The following IFT43 variants were observed in gnomAD, a reference collection of about 807,000 sequenced individuals.
The protein encoded by IFT43 is intraflagellar transport 43, also known as intraflagellar transport protein 43 homolog.
IFT43 carries 33 observed loss-of-function variants against 32.3 expected under a neutral mutation model. The ratio of observed to expected loss-of-function variants is 1.02; its 90% confidence interval spans 0.77 to 1.37. The LOEUF (loss-of-function observed/expected upper bound fraction) is 1.37. Among genes scored for constraint, IFT43 ranks in the 40% most tolerant of loss-of-function variants. The probability of loss-of-function intolerance (pLI) is 0.00; values close to 1 mark genes in which losing one functional copy is unlikely to be tolerated. For missense variants in IFT43, 274 were observed against 265.9 expected (o/e 1.03, Z -0.21); for synonymous variants, 93 against 98.2 (o/e 0.95, Z 0.31).
chr14:75,989,835 A>AG (rs1452937746), intron 2 of IFT43, among the ~76,000 whole-genome samples: 1 of 152,242 alleles, frequency 6.6e-6, no homozygotes, highest in Non-Finnish European at 1.5e-5. Context: ...CTAATGGGTC[A>AG]GGCAGGTGCA....
In IFT43 at chr14:76,083,731, T is replaced by C. The variant is rs2037559350; in HGVS notation, c.*154T>C. ...GATAATTCAATTGCAATAAATTGCT[T>C]ATTCTGTGCCATCTCCTCCATTTCT... On this transcript the variant is annotated 3_prime_UTR_variant, in exon 9 of 9. Coordinates refer to ENST00000314067, the MANE Select transcript of IFT43 (RefSeq NM_001102564.3). 1 of 767,278 alleles carries C rather than the reference T, an allele frequency of 1.3e-6. No individual in the cohort carries two copies. Among genetic ancestry groups the C allele is most frequent in the Admixed American group, 2.0e-5 (1 of 49,342 alleles). 47.5% of individuals were successfully genotyped at this position (767,278 alleles called of 1,614,324 possible). A position where few individuals can be genotyped will look rare whatever the true frequency, so the allele number is the denominator to read the frequency against.
intron 8 of IFT43, 43 bp from the exon 9 acceptor site, chr14:76,083,415 A>G (rs769928927): frequency 6.2e-7 from 1 of 1,614,006 alleles, no homozygotes; most frequent in East Asian, 2.2e-5. Context: ...AGTTGAGGGA[A>G]AAGGCCTTTC....
intron 2 of IFT43, among the ~76,000 whole-genome samples, chr14:75,999,968 G>A (rs867378671): frequency 6.6e-6 from 1 of 152,372 alleles, no homozygotes; most frequent in African/African-American, 2.4e-5. Context: ...GGAGGATAGA[G>A]TGGGAGAGCT....
At chr14:76,006,196 T>A (rs905209084) in intron 2 of IFT43, among the ~76,000 whole-genome samples, 2 of 152,176 alleles carry the variant, frequency 1.3e-5, no homozygotes, top group Non-Finnish European at 2.9e-5. Flanking sequence ...TGTTCATCCA[T>A]GTGGATGCTG....
chr14:75,987,189 A>G (rs2035545768), intron 1 of IFT43, among the ~76,000 whole-genome samples: 1 of 152,232 alleles, frequency 6.6e-6, no homozygotes, highest in African/African-American at 2.4e-5. Flanking sequence ...TTGTTTTAGC[A>G]CAACCGCCAT....
chr14:76,005,380 G>A (rs2035962456), intron 2 of IFT43, among the ~76,000 whole-genome samples: 2 of 152,190 alleles, frequency 1.3e-5, no homozygotes, highest in Non-Finnish European at 2.9e-5. Context: ...GCTCTTCGGG[G>A]ATTTCGGTGA....
Position 75,988,877 on chromosome 14 carries a change from C to T in IFT43, c.55-8C>T, listed in dbSNP as rs369901408. 4 of 1,613,796 alleles carry T rather than the reference C, an allele frequency of 2.5e-6. No homozygotes were observed. Among genetic ancestry groups the T allele is most frequent in the Non-Finnish European group, 3.4e-6 (4 of 1,179,950 alleles). On this transcript the variant is annotated splice_region_variant and splice_polypyrimidine_tract_variant and intron_variant, in intron 1 of 8. Transcript: ENST00000314067. Reference sequence around the variant, plus strand: ...TGGGTCAGCAGTGCCTTCTGTTTCTCCTTACAGAGGGCCAAGATGGGTCGC... The same window carrying T: ...TGGGTCAGCAGTGCCTTCTGTTTCTTCTTACAGAGGGCCAAGATGGGTCGC...
intron 3 of IFT43, among the ~76,000 whole-genome samples, chr14:76,043,914 C>T (rs567384821): frequency 1.3e-5 from 2 of 152,320 alleles, no homozygotes; most frequent in South Asian, 4.1e-4. Flanking sequence ...TTCTGAACCA[C>T]TGGCTGTAAA....
At chr14:76,053,417 C>T (rs756722413) in intron 3 of IFT43, among the ~76,000 whole-genome samples, 35 of 152,192 alleles carry the variant, frequency 2.3e-4, no homozygotes, top group South Asian at 8.3e-4. Flanking sequence ...AAGACCAGGA[C>T]GGGACTGGGT....
intron 3 of IFT43, among the ~76,000 whole-genome samples, chr14:76,033,960 T>C (rs9323624): frequency 0.49 from 74,874 of 152,014 alleles, 18,798 homozygotes; most frequent in African/African-American, 0.57. Flanking sequence ...TGGATGAATT[T>C]TGATGGTCAG....
Position 75,985,819 on chromosome 14 carries a change from T to A in IFT43, c.33T>A (p.Leu11=), listed in dbSNP as rs560084160. The A allele has an allele frequency of 1.2e-6, 2 of 1,614,138 alleles. No individual in the cohort carries two copies. The highest frequency in any genetic ancestry group is 3.3e-5 in the Admixed American group (2 of 60,026). MEDLLDLDEE[L]RYSLATSRAK... ...ATTTGCTCGACTTGGACGAGGAGCT[T>A]CGCTACAGCTTGGCTACCTCCGTGA... Residue 11 remains leucine (L), a synonymous_variant, in exon 1 of 9, where the codon CTT becomes CTA. Transcript: ENST00000314067.
At chr14:76,027,339 C>CCT (rs1555364928) in intron 3 of IFT43, among the ~76,000 whole-genome samples, 1 of 46,886 alleles carries the variant, frequency 2.1e-5, no homozygotes, top group East Asian at 3.9e-4. Flanking sequence ...CAACACCCCC[C>CCT]ACACACACAC....
intron 7 of IFT43, among the ~76,000 whole-genome samples, chr14:76,082,968 G>A (rs150616271): frequency 1.7e-3 from 257 of 152,234 alleles, no homozygotes; most frequent in African/African-American, 5.8e-3. Context: ...CTGTCCCTGT[G>A]GCTGTACTGC....
chr14:76,000,218 A>G (rs979833311), intron 2 of IFT43, among the ~76,000 whole-genome samples: 5 of 149,986 alleles, frequency 3.3e-5, no homozygotes, highest in African/African-American at 4.9e-5. Context: ...ATCATTTGTG[A>G]TATTTATATT....
intron 2 of IFT43, among the ~76,000 whole-genome samples, chr14:76,019,195 T>C (rs1004643453): frequency 4.6e-5 from 7 of 152,186 alleles, no homozygotes; most frequent in Non-Finnish European, 8.8e-5. Context: ...AGTTTTATAC[T>C]GTCTTGTGTT....
chr14:76,055,583 T>A (rs1410152596), intron 3 of IFT43, among the ~76,000 whole-genome samples: 1 of 152,134 alleles, frequency 6.6e-6, no homozygotes, highest in African/African-American at 2.4e-5. Flanking sequence ...GACCTGAAGT[T>A]TAAAAAACAT....
In IFT43 at chr14:76,082,602, C is replaced by G. The variant is rs918352984; in HGVS notation, c.369-15C>G. On this transcript the variant is annotated splice_polypyrimidine_tract_variant and intron_variant, in intron 6 of 8. Transcript: ENST00000314067. Reference sequence around the variant, plus strand: ...CTGCCTGGGGTTCCCGCCTCTCGCTCTCTCTTTCCTTCAGCATCCAGATAA... The same window carrying G: ...CTGCCTGGGGTTCCCGCCTCTCGCTGTCTCTTTCCTTCAGCATCCAGATAA... The G allele has an allele frequency of 1.2e-6, 2 of 1,614,076 alleles. No individual in the cohort carries two copies. The highest frequency in any genetic ancestry group is 1.3e-5 in the African/African-American group (1 of 74,932).
intron 3 of IFT43, among the ~76,000 whole-genome samples, chr14:76,039,319 C>T (rs988545895): frequency 7.9e-5 from 12 of 152,012 alleles, no homozygotes; most frequent in African/African-American, 1.5e-4. Context: ...CCACCATACT[C>T]GCCACGTTTT....
chr14:76,038,694 A>G (rs2036649442), intron 3 of IFT43, among the ~76,000 whole-genome samples: 1 of 152,242 alleles, frequency 6.6e-6, no homozygotes, highest in African/African-American at 2.4e-5. Context: ...GACTGTGTAC[A>G]TCGAAATAAC....
Sources: allele counts gnomAD v4.1 joint callset (sites outside exome capture counted in the v4.1 genomes callset), GRCh38; gene constraint gnomAD v4.1.1; transcripts MANE v1.5; gene names NCBI Gene and HGNC (gene_info 2026-07-23, HGNC 2026-07-21).